The following FMN1 variants were observed in gnomAD, a reference collection of about 807,000 sequenced individuals.
FMN1 encodes the protein formin 1, also known as formin-1.
FMN1 carries 110 observed loss-of-function variants against 132.4 expected under a neutral mutation model. That is an observed-to-expected ratio of 0.83 (90% confidence interval 0.71 to 0.97). The LOEUF (loss-of-function observed/expected upper bound fraction) is 0.97, where lower values mean the gene tolerates loss of function less well. Ranked by LOEUF, FMN1 falls within the 50% of genes least tolerant of loss-of-function variation. The pLI, the probability that FMN1 is intolerant of heterozygous loss-of-function variation, is 0.00. For missense variants in FMN1, 1,792 were observed against 1,705.3 expected (o/e 1.05, Z -0.90); for synonymous variants, 722 against 651.7 (o/e 1.11, Z -1.64).
At chr15:33,124,822 GA>G (rs769990089) in intron 4 of FMN1, among the ~76,000 whole-genome samples, 1 of 149,810 alleles carries the variant, frequency 6.7e-6, no homozygotes, top group African/African-American at 2.4e-5. Context: ...AATACTAGAT[GA>G]AAAAAATGCT....
intron 6 of FMN1, among the ~76,000 whole-genome samples, chr15:33,043,407 C>T (rs1295394633): frequency 6.6e-6 from 1 of 152,218 alleles, no homozygotes; most frequent in African/African-American, 2.4e-5. Flanking sequence ...TGTAACCAAC[C>T]CAGTTGTTCC....
In FMN1 at chr15:32,969,346, T is replaced by C; in HGVS notation, c.2355A>G (p.Lys785=). Residue 785 remains lysine (K), a synonymous_variant, in exon 8 of 21, where the codon AAA becomes AAG. Coordinates refer to ENST00000616417, the MANE Select transcript of FMN1 (RefSeq NM_001277313.2). ...HRWRGGCEER[K]DVCISTDDDC... ...CATCATCGGTGGAAATGCACACATCTTTCCTCTCTTCACAACCCCCTCGCC... is the reference window on the plus strand; with the variant it reads ...CATCATCGGTGGAAATGCACACATCCTTCCTCTCTTCACAACCCCCTCGCC... The C allele has an allele frequency of 6.2e-7, 1 of 1,614,006 alleles. No individual in the cohort carries two copies.
chr15:33,057,926 G>A (rs2037293912), intron 6 of FMN1, among the ~76,000 whole-genome samples: 1 of 152,100 alleles, frequency 6.6e-6, no homozygotes, highest in Non-Finnish European at 1.5e-5. Context: ...CTAGTTGATG[G>A]CTATAAGCAC....
intron 9 of FMN1, among the ~76,000 whole-genome samples, chr15:32,960,217 T>C (rs1239332293): frequency 6.6e-6 from 1 of 152,182 alleles, no homozygotes; most frequent in African/African-American, 2.4e-5. Context: ...ATAAAGATAC[T>C]ACCAACATGG....
chr15:32,998,933 A>G (rs976090365), intron 7 of FMN1, among the ~76,000 whole-genome samples: 1 of 152,234 alleles, frequency 6.6e-6, no homozygotes, highest in African/African-American at 2.4e-5. Context: ...CTCCTTTTCC[A>G]TGAAAATTCA....
At chr15:32,806,406 G>A (rs955175798) in intron 17 of FMN1, among the ~76,000 whole-genome samples, 2 of 152,192 alleles carry the variant, frequency 1.3e-5, no homozygotes, top group Admixed American at 1.3e-4. Flanking sequence ...GATTTAATGA[G>A]ATAATACATG....
At chr15:33,083,795 C>G (rs1343781451) in intron 5 of FMN1, among the ~76,000 whole-genome samples, 6 of 152,102 alleles carry the variant, frequency 3.9e-5, no homozygotes, top group Admixed American at 2.6e-4. Flanking sequence ...AAGGTTACCA[C>G]AAGATACAGG....
At chr15:32,831,756 T>G (rs2058507988) in intron 17 of FMN1, among the ~76,000 whole-genome samples, 1 of 151,986 alleles carries the variant, frequency 6.6e-6, no homozygotes, top group Non-Finnish European at 1.5e-5. Flanking sequence ...TTTTTTTTTT[T>G]TTTCTAACTT....
intron 7 of FMN1, among the ~76,000 whole-genome samples, chr15:32,976,858 A>T (rs1186895925): frequency 1.3e-5 from 2 of 152,182 alleles, no homozygotes; most frequent in Non-Finnish European, 1.5e-5. Context: ...TGCTCGAGAA[A>T]CACAAGAAGA....
At chr15:32,994,230 T>A (rs139661320) in intron 7 of FMN1, among the ~76,000 whole-genome samples, 4 of 28,152 alleles carry the variant, frequency 1.4e-4, no homozygotes, top group Admixed American at 7.0e-4. Flanking sequence ...TCTCTCTCTC[T>A]CTCACACACA....
At chr15:32,972,888 T>C (rs1469357886) in intron 7 of FMN1, among the ~76,000 whole-genome samples, 2 of 152,228 alleles carry the variant, frequency 1.3e-5, no homozygotes, top group African/African-American at 2.4e-5. Flanking sequence ...AACCCCAATG[T>C]GTTCCTCCTC....
intron 4 of FMN1, among the ~76,000 whole-genome samples, chr15:33,120,218 G>A (rs572922464): frequency 6.6e-6 from 1 of 152,184 alleles, no homozygotes; most frequent in South Asian, 2.1e-4. Flanking sequence ...TTTGCTCTAC[G>A]GCTTTGAAGA....
In FMN1 at chr15:32,810,901, A is replaced by T. The variant is rs1296914299; in HGVS notation, c.3929-6569T>A. ...AAACCAACAGGACGCACAGTTAAGA[A>T]GTTGTTTTTATTACAGCTCTACAAA... On this transcript the variant is annotated intron_variant, in intron 17 of 20. Transcript: ENST00000616417. The T allele has an allele frequency of 6.2e-5, 28 of 453,522 alleles. No homozygotes were observed. In the Admixed American group the frequency reaches 6.6e-4, roughly 11 times the overall value. The allele number at this position is 453,522 out of a possible 1,614,324, so 28.1% of individuals were successfully genotyped here. A position where few individuals can be genotyped will look rare whatever the true frequency, so the allele number is the denominator to read the frequency against.
intron 3 of FMN1, among the ~76,000 whole-genome samples, chr15:33,168,711 T>C (rs1178221555): frequency 1.3e-5 from 2 of 152,222 alleles, no homozygotes; most frequent in Non-Finnish European, 2.9e-5. Flanking sequence ...CTGTGGACAG[T>C]TGGTATCTGC....
chr15:33,015,031 C>A (rs185988412), intron 6 of FMN1, among the ~76,000 whole-genome samples: 3 of 152,228 alleles, frequency 2.0e-5, no homozygotes. Context: ...TCGAGACTTA[C>A]TTTACAGATG....
intron 6 of FMN1, among the ~76,000 whole-genome samples, chr15:33,061,356 T>C (rs2037472682): frequency 6.6e-6 from 1 of 151,996 alleles, no homozygotes. Flanking sequence ...AAGAAGCAAA[T>C]CCATATCATG....
intron 9 of FMN1, among the ~76,000 whole-genome samples, chr15:32,948,961 T>C (rs757503606): frequency 1.3e-5 from 2 of 151,966 alleles, no homozygotes; most frequent in Non-Finnish European, 2.9e-5. Context: ...ATTTCTTTGA[T>C]TTTTTTGTAT....
In FMN1 at chr15:32,852,976, C is replaced by A. The variant is rs796735808; in HGVS notation, c.3928+4039G>T. Among the ~76,000 whole-genome samples, 5 of 152,288 alleles carry A rather than the reference C, an allele frequency of 3.3e-5. No homozygotes were observed. The East Asian group carries it at 7.7e-4, about 24-fold the overall frequency. ...TTCCCAAACACATCATGTCTTTCAT[C>A]CTTCTGAGACTTGCAGTGTTTTCCT... On this transcript the variant is annotated intron_variant, in intron 17 of 20. Transcript: ENST00000616417.
intron 4 of FMN1, among the ~76,000 whole-genome samples, chr15:33,128,086 C>G (rs936633638): frequency 2.6e-5 from 4 of 151,980 alleles, no homozygotes; most frequent in African/African-American, 9.7e-5. Context: ...GAGAAGAAAA[C>G]CAAGAATGAG....
Sources: allele counts gnomAD v4.1 joint callset (sites outside exome capture counted in the v4.1 genomes callset), GRCh38; gene constraint gnomAD v4.1.1; transcripts MANE v1.5; gene names NCBI Gene and HGNC (gene_info 2026-07-23, HGNC 2026-07-21).